The following SNPH variants were observed in gnomAD, a reference collection of about 807,000 sequenced individuals.
SNPH encodes syntaphilin.
A neutral mutation model predicts 36.8 loss-of-function variants in SNPH; 10 were observed. The observed-to-expected ratio is 0.27, with a 90% confidence interval of 0.17 to 0.46. The LOEUF (loss-of-function observed/expected upper bound fraction) is 0.46. SNPH is among the 20% of genes least tolerant of loss of function. The probability of loss-of-function intolerance (pLI) is 1.00; values close to 1 mark genes in which losing one functional copy is unlikely to be tolerated. For missense variants in SNPH, 622 were observed against 744.0 expected (o/e 0.84, Z 1.91); for synonymous variants, 281 against 312.2 (o/e 0.90, Z 1.05).
chr20:1,298,136 C>T (rs73073684), intron 5 of SNPH, among the ~76,000 whole-genome samples: 3 of 151,790 alleles, frequency 2.0e-5, no homozygotes, highest in East Asian at 1.9e-4. Flanking sequence ...GTGTAGGGAA[C>T]GAGCATAGGC....
At chr20:1,298,910 G>A (rs959279843) in intron 5 of SNPH, among the ~76,000 whole-genome samples, 2 of 150,224 alleles carry the variant, frequency 1.3e-5, no homozygotes, top group Non-Finnish European at 3.0e-5. Context: ...ATTTTATATC[G>A]GGGAAAATAT....
rs1441378953 is a variant in SNPH at position 1,294,709 on chromosome 20, A to T, written c.-492-242A>T. On this transcript the variant is annotated intron_variant, in intron 2 of 6. Coordinates refer to ENST00000381867, the MANE Select transcript of SNPH (RefSeq NM_001318234.2). This position sits in a 1 kb window ranked among gnomAD's most constrained non-coding sequence, Gnocchi z 4.4. ...ATCTGAGTAGTGCCTTTGTCCACTC[A>T]GGAGGCAGCCCCGCCGCTGGCTGGG... Among the ~76,000 whole-genome samples the T allele has an allele frequency of 1.3e-5, 2 of 152,196 alleles. No individual in the cohort carries two copies. Among genetic ancestry groups the T allele is most frequent in the Non-Finnish European group, 2.9e-5 (2 of 68,032 alleles).
In SNPH at chr20:1,266,500, C is replaced by T; in HGVS notation, c.-600+103C>T. The T allele has an allele frequency of 1.7e-6, 2 of 1,156,512 alleles. No homozygotes were observed. The highest frequency in any genetic ancestry group is 2.3e-6 in the Non-Finnish European group (2 of 879,188). The allele number at this position is 1,156,512 out of a possible 1,614,324, so 71.6% of individuals were successfully genotyped here. On this transcript the variant is annotated intron_variant, in intron 1 of 6. Coordinates refer to ENST00000381867, the MANE Select transcript of SNPH (RefSeq NM_001318234.2). The surrounding 1 kb of genome is among the most constrained non-coding windows in gnomAD (Gnocchi z 6.0). Reference sequence around the variant, plus strand: ...GGGGTGGGGTGGGGGCCGCGGGCCGCGAGGAGGAGGGGACGGAGCACCCGG... The same window carrying T: ...GGGGTGGGGTGGGGGCCGCGGGCCGTGAGGAGGAGGGGACGGAGCACCCGG...
chr20:1,272,750 T>G (rs567559982), intron 2 of SNPH, among the ~76,000 whole-genome samples: 78 of 152,340 alleles, frequency 5.1e-4, no homozygotes, highest in Admixed American at 3.9e-3. Flanking sequence ...GAATGCCTTG[T>G]TTGCATGGCT....
Position 1,285,521 on chromosome 20 carries a change from T to C in SNPH, c.-492-9430T>C, listed in dbSNP as rs1042406183. Among the ~76,000 whole-genome samples, 38 of 152,256 alleles carry C rather than the reference T, an allele frequency of 2.5e-4. No individual in the cohort carries two copies. The highest frequency in any genetic ancestry group is 8.2e-4 in the African/African-American group (34 of 41,468). ...TGCTATTTACGGAGTGCTGTCCCTA[T>C]GCCAGGTCCTTGCTAGGCATTTCAC... On this transcript the variant is annotated intron_variant, in intron 2 of 6. Transcript: ENST00000381867. The surrounding 1 kb of genome is among the most constrained non-coding windows in gnomAD (Gnocchi z 4.9).
Position 1,273,733 on chromosome 20 carries a change from C to T in SNPH, c.-493+6973C>T, listed in dbSNP as rs538221845. On this transcript the variant is annotated intron_variant, in intron 2 of 6. Coordinates refer to ENST00000381867, the MANE Select transcript of SNPH (RefSeq NM_001318234.2). ...CACACAGTGATATAGCTGCATTATT[C>T]GTAGCCTGGAAAATTGGGCAGATGC... Among the ~76,000 whole-genome samples the T allele has an allele frequency of 4.6e-5, 7 of 152,240 alleles. No homozygotes were observed. In the South Asian group the frequency reaches 6.2e-4, roughly 14 times the overall value.
chr20:1,277,425 CTGTGTA>C (rs2088145720), intron 2 of SNPH, among the ~76,000 whole-genome samples: 1 of 149,056 alleles, frequency 6.7e-6, no homozygotes, highest in African/African-American at 2.5e-5. Flanking sequence ...GTCTGTGTGT[CTGTGTA>C]TGTGTGCCTG....
intron 2 of SNPH, among the ~76,000 whole-genome samples, chr20:1,280,233 C>T (rs1432958749): frequency 6.6e-6 from 1 of 152,192 alleles, no homozygotes; most frequent in African/African-American, 2.4e-5. Flanking sequence ...TGCACATATA[C>T]ATGTAGGCTC....
At chr20:1,289,069 G>GT (rs1229036135) in intron 2 of SNPH, among the ~76,000 whole-genome samples, 1 of 152,280 alleles carries the variant, frequency 6.6e-6, no homozygotes, top group South Asian at 2.1e-4. Context: ...GGAAAAGTAG[G>GT]TTTTTTCTTT....
Position 1,304,998 on chromosome 20 carries a change from G to A in SNPH, c.561G>A (p.Lys187=). The change falls in exon 7 of 7, where the codon AAG becomes AAA. Residue 187 remains lysine (K), a synonymous_variant. Transcript: ENST00000381867. This position sits in a 1 kb window ranked among gnomAD's most constrained non-coding sequence, Gnocchi z 4.3. ...TGAAGGAGGCCCGAAAGGAGATCAA[G>A]CAGCTCAAGCAGGTCATCGACACTG... is the stretch of plus-strand genomic sequence containing the variant. ...LALKEARKEI[K]QLKQVIDTVK... 6.2e-7 allele frequency: 1 copy of A among 1,614,068 alleles called. No individual in the cohort carries two copies. The highest frequency in any genetic ancestry group is 8.5e-7 in the Non-Finnish European group (1 of 1,180,050).
intron 2 of SNPH, among the ~76,000 whole-genome samples, chr20:1,278,165 G>A (rs553296557): frequency 4.3e-5 from 6 of 138,728 alleles, no homozygotes; most frequent in South Asian, 2.4e-4. Context: ...TGTCTGTGCC[G>A]GTGTGTCTGT....
At chr20:1,282,792 C>T in intron 2 of SNPH, among the ~76,000 whole-genome samples, 1 of 152,164 alleles carries the variant, frequency 6.6e-6, no homozygotes, top group Non-Finnish European at 1.5e-5. Context: ...ATGCACCACT[C>T]AGTTCAGTCT....
intron 2 of SNPH, among the ~76,000 whole-genome samples, chr20:1,279,618 CTT>C (rs1162325274): frequency 2.1e-4 from 26 of 123,050 alleles, no homozygotes; most frequent in African/African-American, 1.2e-4. Flanking sequence ...ACTCCGGCTT[CTT>C]TTTTTTTTTT....
intron 2 of SNPH, among the ~76,000 whole-genome samples, chr20:1,288,422 T>C (rs534454056): frequency 3.9e-5 from 6 of 152,136 alleles, no homozygotes; most frequent in Non-Finnish European, 7.4e-5. Context: ...CGATGTGATA[T>C]GGCTCAGAGG....
At chr20:1,267,095 C>T (rs1488821205) in intron 2 of SNPH, among the ~76,000 whole-genome samples, 2 of 152,044 alleles carry the variant, frequency 1.3e-5, no homozygotes, top group African/African-American at 4.8e-5. Context: ...TCTTTTCCTT[C>T]TTGGAGGAGG....
chr20:1,289,776 CTA>C (rs1465784853), intron 2 of SNPH, among the ~76,000 whole-genome samples: 9 of 105,518 alleles, frequency 8.5e-5, no homozygotes, highest in Admixed American at 7.8e-4. Context: ...CTGCAGTGAG[CTA>C]TGATTTTGTC....
chr20:1,299,895 G>C (rs1239455326), intron 5 of SNPH, among the ~76,000 whole-genome samples: 1 of 152,200 alleles, frequency 6.6e-6, no homozygotes, highest in African/African-American at 2.4e-5. Flanking sequence ...TGGGGGTGAG[G>C]AGTGAGAGTG....
At chr20:1,293,555 C>T (rs2088390151) in intron 2 of SNPH, among the ~76,000 whole-genome samples, 1 of 152,058 alleles carries the variant, frequency 6.6e-6, no homozygotes, top group Non-Finnish European at 1.5e-5. Context: ...GGAGGGAGGA[C>T]CTGAGAGAGC....
rs927702404 is a variant in SNPH, at chr20:1,304,147, T to A, written c.441-731T>A. ...CCCCCGTCGCTCAGGAGTAACTCTA[T>A]GCCTTTCTCGTTGATCTTTTCAGCT... On this transcript the variant is annotated intron_variant, in intron 6 of 6. Transcript: ENST00000381867. This position sits in a 1 kb window ranked among gnomAD's most constrained non-coding sequence, Gnocchi z 4.3. Among the ~76,000 whole-genome samples the A allele has an allele frequency of 9.2e-5, 14 of 152,292 alleles. No homozygotes were observed. Among genetic ancestry groups the A allele is most frequent in the African/African-American group, 3.4e-4 (14 of 41,554 alleles).
Sources: gnomAD v4.1 joint callset for allele counts (sites outside exome capture counted in the v4.1 genomes callset) on GRCh38, gnomAD v4.1.1 for gene constraint, Gnocchi (gnomAD v3.1) non-coding constraint, MANE v1.5 for transcripts, NCBI Gene and HGNC (gene_info 2026-07-23, HGNC 2026-07-21) for gene names.